Variants in MLLT10 observed in about 807,000 individuals in gnomAD.
MLLT10 encodes the protein protein AF-10.
In MLLT10, 30 loss-of-function variants were observed where a neutral mutation model predicts 129.1. The observed-to-expected ratio is 0.23, with a 90% CI of 0.17 to 0.32. The LOEUF is 0.32. MLLT10 is among the 10% of genes least tolerant of loss of function. The pLI is 1.00. For synonymous variants in MLLT10, 490 were observed against 446.4 expected, an observed-to-expected ratio of 1.10 and a Z score of -1.23; for missense variants, 1,119 against 1,268.3, an observed-to-expected ratio of 0.88 and a Z score of 1.79.
At chr10:21,734,198 T>TG (rs1159047995) in intron 20 of MLLT10, 69 bp downstream of exon 20, 5 of 1,505,122 alleles carry the variant, frequency 3.3e-6, no homozygotes, top group Admixed American at 2.2e-5. Flanking sequence ...TGCCTTAGAT[T>TG]GGGGCTTTCA....
At position 21,670,432 on chromosome 10, in the gene MLLT10, T is replaced by C; in HGVS notation, c.796-17T>C. Reference sequence around the variant, plus strand: ...TAATCAACTCTTTTTCCTTCCCTTTTTGAATCAAAATGTTAGACTTATACA... The same window carrying C: ...TAATCAACTCTTTTTCCTTCCCTTTCTGAATCAAAATGTTAGACTTATACA... On this transcript the variant is annotated splice_polypyrimidine_tract_variant and intron_variant, in intron 9 of 22. Coordinates refer to ENST00000307729, the MANE Select transcript of MLLT10 (RefSeq NM_001195626.3). 6.3e-7 allele frequency: 1 copy of C among 1,583,854 alleles called. No homozygotes were observed. The highest frequency in any genetic ancestry group is 1.9e-5 in the Admixed American group (1 of 53,460).
chr10:21,602,855 G>T (rs1047131254), intron 5 of MLLT10, among the ~76,000 whole-genome samples: 1 of 151,274 alleles, frequency 6.6e-6, no homozygotes, highest in Admixed American at 6.6e-5. Flanking sequence ...TCAGCCTCCC[G>T]AGTAGCTGGG....
chr10:21,643,412 G>C (rs2048202217), intron 8 of MLLT10, among the ~76,000 whole-genome samples: 3 of 152,166 alleles, frequency 2.0e-5, no homozygotes, highest in Admixed American at 2.0e-4. Flanking sequence ...TCATAGTTGT[G>C]TAGGCATTTG....
intron 12 of MLLT10, 141 bp from the exon 13 acceptor site, chr10:21,682,084 C>CTT (rs1315599303): frequency 5.5e-6 from 3 of 543,844 alleles, no homozygotes; most frequent in Non-Finnish European, 9.1e-6. Context: ...TGGAGCCAAG[C>CTT]TTGCAGTTTT....
At chr10:21,667,858 T>G (rs2050982115) in intron 9 of MLLT10, among the ~76,000 whole-genome samples, 1 of 152,188 alleles carries the variant, frequency 6.6e-6, no homozygotes, top group African/African-American at 2.4e-5. Flanking sequence ...AAATAATTTT[T>G]GTTTCCACTT....
In MLLT10 at chr10:21,586,347, G is replaced by T. The variant is rs1373660459; in HGVS notation, c.294G>T (p.Gly98=). The T allele has an allele frequency of 1.3e-6, 2 of 1,583,758 alleles. No homozygotes were observed. Among genetic ancestry groups the T allele is most frequent in the Admixed American group, 1.8e-5 (1 of 55,546 alleles). The change falls in exon 4 of 23, where the codon GGG becomes GGT. Residue 98 remains glycine, a splice_region_variant and synonymous_variant. Coordinates refer to ENST00000307729, the MANE Select transcript of MLLT10 (RefSeq NM_001195626.3). The part of the protein sequence containing the change: ...KDGALKRTDN[G]GWAHVVCALY... ...GAGCTTTAAAAAGAACAGATAATGGGGGTAAGTGCAGAGATTTCTTGAAAA... is the reference window on the plus strand; with the variant it reads ...GAGCTTTAAAAAGAACAGATAATGGTGGTAAGTGCAGAGATTTCTTGAAAA...
intron 21 of MLLT10, chr10:21,738,377 A>G (rs1589924862): frequency 1.6e-6 from 2 of 1,282,950 alleles, no homozygotes; most frequent in East Asian, 5.6e-5. Flanking sequence ...GTGTCTTCCT[A>G]TTAATCAAGA....
chr10:21,688,923 C>G (rs1242054490), intron 13 of MLLT10, among the ~76,000 whole-genome samples: 1 of 152,052 alleles, frequency 6.6e-6, no homozygotes. Flanking sequence ...CTCTCTGATT[C>G]TTTTAACATA....
intron 2 of MLLT10, among the ~76,000 whole-genome samples, chr10:21,537,620 A>G (rs371343459): frequency 6.6e-6 from 1 of 152,014 alleles, no homozygotes; most frequent in Non-Finnish European, 1.5e-5. Context: ...ACCTGCCACC[A>G]TGCCCAGCTA....
intron 3 of MLLT10, among the ~76,000 whole-genome samples, chr10:21,543,603 G>A (rs955437099): frequency 2.6e-5 from 4 of 151,948 alleles, no homozygotes; most frequent in African/African-American, 9.7e-5. Context: ...CTCAGCCTCC[G>A]GAGTAGCTGG....
At chr10:21,738,065 C>T (rs1483938637) in intron 21 of MLLT10, among the ~76,000 whole-genome samples, 2 of 151,844 alleles carry the variant, frequency 1.3e-5, no homozygotes, top group African/African-American at 2.4e-5. Flanking sequence ...GTCAGGAGTT[C>T]GGGACAAGCC....
intron 7 of MLLT10, 46 bp downstream of exon 7, chr10:21,614,970 G>C (rs111323755): frequency 6.9e-7 from 1 of 1,457,598 alleles, no homozygotes. Flanking sequence ...GATTAGTTTT[G>C]ACAATAGAAT....
At chr10:21,683,753 T>G (rs2052993067) in intron 13 of MLLT10, among the ~76,000 whole-genome samples, 1 of 144,582 alleles carries the variant, frequency 6.9e-6, no homozygotes, top group Non-Finnish European at 1.5e-5. Context: ...TGGGGTTTTG[T>G]TTTTTTTTTT....
chr10:21,586,001 T>G (rs2041947582), intron 3 of MLLT10, among the ~76,000 whole-genome samples: 1 of 152,194 alleles, frequency 6.6e-6, no homozygotes, highest in Non-Finnish European at 1.5e-5. Context: ...CCTCAGCTAA[T>G]CCGCCTGCCT....
intron 6 of MLLT10, 80 bp from the exon 7 acceptor site, chr10:21,614,751 G>A (rs376174980): frequency 9.5e-7 from 1 of 1,048,344 alleles, no homozygotes; most frequent in Non-Finnish European, 1.4e-6. Context: ...ATGAATGATT[G>A]GAAGTAAATT....
At chr10:21,608,711 C>T (rs192256232) in intron 5 of MLLT10, among the ~76,000 whole-genome samples, 5 of 151,894 alleles carry the variant, frequency 3.3e-5, no homozygotes, top group Non-Finnish European at 5.9e-5. Context: ...AGGAAAAAAC[C>T]GTCCGTTAGG....
chr10:21,717,888 T>TCCTCCTCCTCCTCCTC, intron 14 of MLLT10, among the ~76,000 whole-genome samples: 1 of 75,952 alleles, frequency 1.3e-5, no homozygotes, highest in South Asian at 5.3e-4. Context: ...TCCTCCTCCT[T>TCCTCCTCCTCCTCCTC]CTCCTCCTCC....
chr10:21,585,824 C>T (rs747243311), intron 3 of MLLT10, among the ~76,000 whole-genome samples: 9 of 152,146 alleles, frequency 5.9e-5, no homozygotes, highest in East Asian at 1.9e-4. Flanking sequence ...TGCAATGGCG[C>T]GATCTTGGCT....
chr10:21,711,291 C>T (rs2056060981), intron 13 of MLLT10, among the ~76,000 whole-genome samples: 1 of 152,070 alleles, frequency 6.6e-6, no homozygotes, highest in Non-Finnish European at 1.5e-5. Flanking sequence ...AGTGTGATGG[C>T]ACGTGCCTGT....
Sources: allele counts gnomAD v4.1 joint callset (sites outside exome capture counted in the v4.1 genomes callset), GRCh38; gene constraint gnomAD v4.1.1; transcripts MANE v1.5; gene names NCBI Gene and HGNC (gene_info 2026-07-23, HGNC 2026-07-21).